The following DIAPH2 variants were observed in gnomAD, a reference collection of about 807,000 sequenced individuals.
DIAPH2 encodes diaphanous related formin 2.
In DIAPH2, 35 loss-of-function variants were observed where a neutral mutation model predicts 92.7. That is an observed-to-expected ratio of 0.38 (90% confidence interval 0.29 to 0.50). DIAPH2 has a LOEUF of 0.50. DIAPH2 is among the 20% of genes least tolerant of loss of function. The probability of loss-of-function intolerance (pLI) is 0.94; values close to 1 mark genes in which losing one functional copy is unlikely to be tolerated. For synonymous variants in DIAPH2, 301 were observed against 280.4 expected (o/e 1.07, Z -0.73); for missense variants, 701 against 819.5 (o/e 0.86, Z 1.77).
chrX:96,772,639 G>A (rs192766476), intron 4 of DIAPH2, among the ~76,000 whole-genome samples: 1 of 111,863 alleles, frequency 8.9e-6, no homozygotes, highest in Admixed American at 9.5e-5. Flanking sequence ...ACCATAATTC[G>A]GATACCATGA....
chrX:96,894,974 A>ATT lies in DIAPH2; in HGVS notation c.587+13284_587+13285dup, dbSNP rs766131166. Among the ~76,000 whole-genome samples, 10 of 59,542 alleles carry ATT rather than the reference A, an allele frequency of 1.7e-4. 1 individual carries two copies. The highest frequency in any genetic ancestry group is 4.2e-4 in the African/African-American group (7 of 16,499). 51.7% of individuals were successfully genotyped at this position (59,542 alleles called of 115,157 possible). A position where few individuals can be genotyped will look rare whatever the true frequency, so the allele number is the denominator to read the frequency against. On this transcript the variant is annotated intron_variant, in intron 5 of 26. Transcript: ENST00000324765. The stretch of plus-strand genomic sequence containing the variant: ...CGCATATACAGATTAGTTTTTCTTA[A>ATT]TTTTTTTTTTTTTTTTTTTTTTTTT...
At chrX:97,233,549 A>G (rs1349546211) in intron 22 of DIAPH2, among the ~76,000 whole-genome samples, 1 of 112,125 alleles carries the variant, frequency 8.9e-6, no homozygotes, top group East Asian at 2.8e-4. Context: ...CATGGTAATG[A>G]CAAAGAGATC....
chrX:96,854,598 CATATATA>C (rs2065026060), intron 4 of DIAPH2, among the ~76,000 whole-genome samples: 1 of 37,132 alleles, frequency 2.7e-5, no homozygotes, highest in African/African-American at 8.9e-5. Flanking sequence ...CTCTCTCTCT[CATATATA>C]TATATATATA....
intron 17 of DIAPH2, among the ~76,000 whole-genome samples, chrX:97,061,072 G>A (rs1216656630): frequency 1.8e-5 from 2 of 112,083 alleles, no homozygotes; most frequent in African/African-American, 3.2e-5. Context: ...TTTACTTTTT[G>A]GATAGGTTTC....
At chrX:97,420,263 C>G (rs1041701651) in intron 25 of DIAPH2, among the ~76,000 whole-genome samples, 1 of 111,619 alleles carries the variant, frequency 9.0e-6, no homozygotes, top group African/African-American at 3.3e-5. Context: ...AAATAACAAG[C>G]TTCTCTTTAA....
chrX:96,715,280 TA>T (rs1002341981), intron 1 of DIAPH2, among the ~76,000 whole-genome samples: 1 of 110,663 alleles, frequency 9.0e-6, no homozygotes, highest in African/African-American at 3.3e-5. Context: ...TCAGTCCAAA[TA>T]AAAAAAAATC....
At chrX:96,748,498 T>C (rs2064164414) in intron 3 of DIAPH2, among the ~76,000 whole-genome samples, 1 of 112,058 alleles carries the variant, frequency 8.9e-6, no homozygotes, top group South Asian at 3.8e-4. Flanking sequence ...TATCCGTCTT[T>C]ATTTTTTGGC....
chrX:97,510,520 C>G (rs1215542806), intron 26 of DIAPH2, among the ~76,000 whole-genome samples: 5 of 108,098 alleles, frequency 4.6e-5, no homozygotes, highest in Non-Finnish European at 9.6e-5. Context: ...TTAATTAGAT[C>G]CCATTTGTCA....
intron 22 of DIAPH2, among the ~76,000 whole-genome samples, chrX:97,237,120 T>G (rs2068054355): frequency 8.9e-6 from 1 of 112,498 alleles, no homozygotes; most frequent in Admixed American, 9.5e-5. Context: ...TTCAGATTTC[T>G]TAAACTAGGA....
intron 5 of DIAPH2, among the ~76,000 whole-genome samples, chrX:96,903,483 A>C (rs2065412825): frequency 8.9e-6 from 1 of 112,188 alleles, no homozygotes; most frequent in Non-Finnish European, 1.9e-5. Context: ...TGTGGAAGTT[A>C]ACATTTTATT....
chrX:96,982,997 G>T (rs2066007314), intron 17 of DIAPH2, among the ~76,000 whole-genome samples: 1 of 111,039 alleles, frequency 9.0e-6, no homozygotes, highest in South Asian at 3.8e-4. Flanking sequence ...TTTTTTAGCA[G>T]TTCCTGAGAA....
intron 4 of DIAPH2, among the ~76,000 whole-genome samples, chrX:96,804,022 GA>G (rs974595424): frequency 2.7e-5 from 3 of 110,310 alleles, no homozygotes; most frequent in African/African-American, 9.9e-5. Context: ...CTAGGTGACC[GA>G]AAAAAAAATT....
At chrX:97,469,571 A>G in intron 26 of DIAPH2, 1 of 589,925 alleles carries the variant, frequency 1.7e-6, no homozygotes, top group Non-Finnish European at 2.6e-6. Context: ...CAGTAGCACA[A>G]TCCTAAATCA....
chrX:97,288,984 G>C (rs1284396167), intron 23 of DIAPH2, among the ~76,000 whole-genome samples: 1 of 111,069 alleles, frequency 9.0e-6, no homozygotes, highest in South Asian at 3.8e-4. Context: ...AATTCTTCCC[G>C]TGTATTTTCT....
At chrX:97,054,648 G>A (rs1301419241) in intron 17 of DIAPH2, among the ~76,000 whole-genome samples, 1 of 111,790 alleles carries the variant, frequency 8.9e-6, no homozygotes, top group East Asian at 2.8e-4. Context: ...TCCTGATTTT[G>A]TCTAATAGTG....
At chrX:97,120,027 C>A (rs1004864752) in intron 21 of DIAPH2, among the ~76,000 whole-genome samples, 1 of 111,879 alleles carries the variant, frequency 8.9e-6, no homozygotes, top group Non-Finnish European at 1.9e-5. Context: ...GTCTACACAG[C>A]GGATTCACGC....
At chrX:97,403,004 CTTG>C (rs2069773310) in intron 25 of DIAPH2, among the ~76,000 whole-genome samples, 1 of 111,724 alleles carries the variant, frequency 9.0e-6, no homozygotes, top group African/African-American at 3.2e-5. Context: ...TGTGGGACCT[CTTG>C]TTCAAAGATT....
chrX:97,140,989 T>A (rs758388650), intron 21 of DIAPH2, among the ~76,000 whole-genome samples: 56 of 111,859 alleles, frequency 5.0e-4, no homozygotes, highest in Non-Finnish European at 9.3e-4. Context: ...AGAATTATAT[T>A]GCAGCACTAG....
chrX:97,601,703 A>G lies in DIAPH2; in HGVS notation c.*2386A>G, dbSNP rs1569433390. ...GCAGATTTTCTTCAGAATATTTTTA[A>G]AAGGTACAGAATCCTTAAAATATTA... On this transcript the variant is annotated 3_prime_UTR_variant, in exon 27 of 27. Coordinates refer to ENST00000324765, the MANE Select transcript of DIAPH2 (RefSeq NM_006729.5). 8.9e-6 allele frequency: 1 copy of G among 112,387 alleles called. No individual in the cohort carries two copies. The highest frequency in any genetic ancestry group is 3.2e-5 in the African/African-American group (1 of 30,924). 9.3% of individuals were successfully genotyped at this position (112,387 alleles called of 1,213,427 possible). A position where few individuals can be genotyped will look rare whatever the true frequency, so the allele number is the denominator to read the frequency against.
Sources: allele counts gnomAD v4.1 joint callset (sites outside exome capture counted in the v4.1 genomes callset), GRCh38; gene constraint gnomAD v4.1.1; transcripts MANE v1.5; gene names NCBI Gene and HGNC (gene_info 2026-07-23, HGNC 2026-07-21).